SCML4: variants seen among roughly 807,000 people sequenced by gnomAD.
The protein encoded by SCML4 is Scm polycomb group protein like 4.
In SCML4, 34 loss-of-function variants were observed where a neutral mutation model predicts 41.1. That is an observed-to-expected ratio of 0.83 (90% CI 0.63 to 1.10). The LOEUF (loss-of-function observed/expected upper bound fraction) is 1.10, where lower values mean the gene tolerates loss of function less well. Among genes scored for constraint, SCML4 ranks in the 50% least tolerant of loss-of-function variants. The pLI, the probability that SCML4 is intolerant of heterozygous loss-of-function variation, is 0.00. For synonymous variants in SCML4, 214 were observed against 220.9 expected, an observed-to-expected ratio of 0.97 and a Z score of 0.28; for missense variants, 522 against 534.1, an observed-to-expected ratio of 0.98 and a Z score of 0.22.
intron 2 of SCML4, among the ~76,000 whole-genome samples, chr6:107,761,441 G>GGT (rs10624614): frequency 0.72 from 106,915 of 147,844 alleles, 39,987 homozygotes; most frequent in East Asian, 0.9. Flanking sequence ...TAATATCTTT[G>GGT]GTTTTTTTTT....
intron 1 of SCML4, among the ~76,000 whole-genome samples, chr6:107,817,769 A>G (rs1476504585): frequency 6.6e-6 from 1 of 152,122 alleles, no homozygotes; most frequent in African/African-American, 2.4e-5. Context: ...AGAAAGAACC[A>G]ATCCTCTATA....
rs1773286381 is a variant in SCML4 at position 107,702,757 on chromosome 6, A to G, written c.*2443T>C. On this transcript the variant is annotated 3_prime_UTR_variant, in exon 8 of 8. Coordinates refer to ENST00000369020, the MANE Select transcript of SCML4 (RefSeq NM_198081.5). ...AGACTCTGCCCCAAGGCCTGATTCA[A>G]GGTACTTTTCTCAGGTGCTGAACCT... 6.6e-6 allele frequency among the ~76,000 whole-genome samples: 1 copy of G among 152,248 alleles called. No individual in the cohort carries two copies. The highest frequency in any genetic ancestry group is 6.5e-5 in the Admixed American group (1 of 15,280).
rs1384792230 is a variant in SCML4, at chr6:107,744,978, T to C, written c.653A>G (p.Gln218Arg). Residue 218 changes from glutamine (Q) to arginine (R), a missense_variant, in exon 5 of 8, where the codon CAG (glutamine) becomes CGG (arginine). Physicochemically the swap from Gln to Arg is conservative, Grantham distance 43. Transcript: ENST00000369020. ...TTCCATCCTCCCTTCCTCTTTCTCC[T>C]GGACTTTCTCAGAGGCACTGCAGCC... Reference protein sequence around the residue: ...PRGCSASEKVQEKEEGRMESV... With the variant: ...PRGCSASEKVREKEEGRMESV... 6.2e-7 allele frequency: 1 copy of C among 1,613,116 alleles called. No homozygotes were observed. The highest frequency in any genetic ancestry group is 8.5e-7 in the Non-Finnish European group (1 of 1,179,630).
At chr6:107,757,267 T>A (rs1251164615) in intron 2 of SCML4, among the ~76,000 whole-genome samples, 1 of 151,992 alleles carries the variant, frequency 6.6e-6, no homozygotes, top group Non-Finnish European at 1.5e-5. Context: ...GGAGGGGATT[T>A]GGGGGGAAAC....
intron 7 of SCML4, 91 bp downstream of exon 7, chr6:107,707,775 C>T: frequency 6.6e-7 from 1 of 1,506,848 alleles, no homozygotes; most frequent in East Asian, 2.5e-5. Context: ...CACCACCTCC[C>T]CTGGCAGCAT....
intron 5 of SCML4, among the ~76,000 whole-genome samples, chr6:107,732,585 C>T (rs928223092): frequency 6.6e-6 from 1 of 152,174 alleles, no homozygotes; most frequent in Admixed American, 6.5e-5. Context: ...TTGATTTCCT[C>T]CTTTGGAAAT....
At chr6:107,777,896 T>C (rs144092742) in intron 1 of SCML4, among the ~76,000 whole-genome samples, 2 of 151,932 alleles carry the variant, frequency 1.3e-5, no homozygotes, top group East Asian at 3.9e-4. Flanking sequence ...ATTCTACCCA[T>C]AGACACATAA....
At chr6:107,746,920 C>A in intron 3 of SCML4, 31 bp from the exon 4 acceptor site, 1 of 1,581,142 alleles carries the variant, frequency 6.3e-7, no homozygotes, top group Non-Finnish European at 8.6e-7. Flanking sequence ...AAGCCCTCGG[C>A]ATCAGGCGCG....
chr6:107,706,727 G>T (rs1299327748), intron 7 of SCML4, among the ~76,000 whole-genome samples: 1 of 152,140 alleles, frequency 6.6e-6, no homozygotes, highest in Non-Finnish European at 1.5e-5. Context: ...TAATCACAAA[G>T]CTCCTTAAAC....
At chr6:107,726,532 C>CAAAAAAAAAAA (rs59013088) in intron 5 of SCML4, among the ~76,000 whole-genome samples, 22 of 72,374 alleles carry the variant, frequency 3.0e-4, no homozygotes, top group African/African-American at 1.1e-3. Context: ...GACTCCATCT[C>CAAAAAAAAAAA]AAAAAAAAAA....
At chr6:107,749,937 C>A (rs1276519197) in intron 2 of SCML4, 124 bp from the exon 3 acceptor site, 14 of 966,722 alleles carry the variant, frequency 1.4e-5, no homozygotes, top group Non-Finnish European at 1.6e-5. Flanking sequence ...TTCCATCCTG[C>A]AGTTTCGGGG....
At chr6:107,806,172 T>C (rs1783708152) in intron 1 of SCML4, among the ~76,000 whole-genome samples, 1 of 105,902 alleles carries the variant, frequency 9.4e-6, no homozygotes, top group African/African-American at 3.8e-5. Flanking sequence ...TCAAGGACAA[T>C]CAAAACAGAG....
the SCML4 span, among the ~76,000 whole-genome samples, chr6:107,839,096 T>A: frequency 4.6e-5 from 7 of 152,000 alleles, no homozygotes; most frequent in Non-Finnish European, 1.0e-4. Flanking sequence ...GGCCAGCAGT[T>A]CAAGACCAGC....
the SCML4 span, among the ~76,000 whole-genome samples, chr6:107,834,153 A>G: frequency 1.3e-5 from 2 of 152,192 alleles, no homozygotes; most frequent in Non-Finnish European, 2.9e-5. Flanking sequence ...CAGAAAGCAC[A>G]CAGTTCACCC....
Position 107,720,971 on chromosome 6 carries a change from C to G in SCML4, c.705G>C (p.Glu235Asp). The G allele has an allele frequency of 6.2e-7, 1 of 1,612,326 alleles. No homozygotes were observed. Among genetic ancestry groups the G allele is most frequent in the Non-Finnish European group, 8.5e-7 (1 of 1,179,096 alleles). The change falls in exon 6 of 8, where the codon GAG (glutamate) becomes GAC (aspartate). Residue 235 changes from glutamate (E) to aspartate (D), a missense_variant. Transcript: ENST00000369020. ...MESVKTVTTE[E>D]YLVNPVGMNR... ...TCATGCCCACAGGGTTCACCAGGTA[C>G]TCTTCGGTGGTGACTGTCTTGACTA...
At chr6:107,726,253 G>C (rs1476145109) in intron 5 of SCML4, among the ~76,000 whole-genome samples, 9 of 150,786 alleles carry the variant, frequency 6.0e-5, no homozygotes, top group African/African-American at 2.2e-4. Flanking sequence ...TTCTAGCTGG[G>C]CTGGGCGCGG....
chr6:107,737,086 A>G (rs1777145666), intron 5 of SCML4, among the ~76,000 whole-genome samples: 1 of 152,262 alleles, frequency 6.6e-6, no homozygotes, highest in Non-Finnish European at 1.5e-5. Flanking sequence ...GTCGTGTTGC[A>G]TAGAATTCAA....
chr6:107,814,290 G>T (rs1784409490), intron 1 of SCML4, among the ~76,000 whole-genome samples: 1 of 152,210 alleles, frequency 6.6e-6, no homozygotes, highest in Non-Finnish European at 1.5e-5. Flanking sequence ...AATTCAAGTG[G>T]CAGGTCAGAC....
intron 2 of SCML4, among the ~76,000 whole-genome samples, chr6:107,762,876 C>CTTTTTTTTTTTTTTTTTTTT (rs57370632): frequency 3.3e-5 from 3 of 89,656 alleles, no homozygotes. Context: ...TAAATGCACT[C>CTTTTTTTTTTTTTTTTTTTT]TTTTTTTTTT....
Sources: allele counts gnomAD v4.1 joint callset (sites outside exome capture counted in the v4.1 genomes callset), GRCh38; gene constraint gnomAD v4.1.1; transcripts MANE v1.5; gene names NCBI Gene and HGNC (gene_info 2026-07-23, HGNC 2026-07-21).